The following POLR3G variants were observed in gnomAD, a reference collection of about 807,000 sequenced individuals.
The protein encoded by POLR3G is RNA polymerase III subunit G, also known as DNA-directed RNA polymerase III subunit RPC7.
Under a neutral mutation model 30.1 loss-of-function variants are expected in POLR3G, and 28 were observed. The observed-to-expected ratio is 0.93, with a 90% confidence interval of 0.69 to 1.27. POLR3G has a LOEUF of 1.27. Ranked by LOEUF, POLR3G falls within the 50% of genes most tolerant of loss-of-function variation. The pLI is 0.00. For missense variants in POLR3G, 254 were observed against 264.6 expected, an observed-to-expected ratio of 0.96 and a Z score of 0.28; for synonymous variants, 79 against 82.5, an observed-to-expected ratio of 0.96 and a Z score of 0.23.
chr5:90,501,830 G>A (rs1752257510), intron 5 of POLR3G, 76 bp from the exon 6 acceptor site: 11 of 1,532,912 alleles, frequency 7.2e-6, no homozygotes, highest in Non-Finnish European at 8.9e-6. Flanking sequence ...ATGCTGGACA[G>A]CATACGCAAA....
At position 90,513,605 on chromosome 5, in the gene POLR3G, A is replaced by C. The variant is rs1752832617; in HGVS notation, c.*1466A>C. ...GTATTCATGCAGAAAATTGGAGAAA[A>C]TGTGTATTGTCTTGTGCCATTCTGC... On this transcript the variant is annotated 3_prime_UTR_variant, in exon 8 of 8. Transcript: ENST00000651687. 6.6e-6 allele frequency: 1 copy of C among 152,256 alleles called. No homozygotes were observed. Among genetic ancestry groups the C allele is most frequent in the African/African-American group, 2.4e-5 (1 of 41,442 alleles). 9.4% of individuals were successfully genotyped at this position (152,256 alleles called of 1,614,324 possible).
At chr5:90,483,813 A>G (rs1237866492) in intron 1 of POLR3G, among the ~76,000 whole-genome samples, 1 of 152,216 alleles carries the variant, frequency 6.6e-6, no homozygotes, top group Non-Finnish European at 1.5e-5. Context: ...TGTTACTGCT[A>G]TTCCTTGCAA....
upstream of POLR3G, chr5:90,474,224 G>C: frequency 1.2e-6 from 2 of 1,613,342 alleles, no homozygotes; most frequent in South Asian, 2.2e-5. Context: ...CCGACTCGTA[G>C]AAACGTTCTT....
At chr5:90,490,127 ATAAT>A (rs1179320960) in intron 3 of POLR3G, among the ~76,000 whole-genome samples, 2 of 152,126 alleles carry the variant, frequency 1.3e-5, no homozygotes, top group African/African-American at 4.8e-5. Context: ...AGTATATCAT[ATAAT>A]TAAAGCATTT....
chr5:90,486,103 T>G (rs369982753), intron 2 of POLR3G, among the ~76,000 whole-genome samples: 1 of 152,206 alleles, frequency 6.6e-6, no homozygotes, highest in African/African-American at 2.4e-5. Flanking sequence ...ACCACTTGAC[T>G]TTTTCCCCCA....
intron 1 of POLR3G, among the ~76,000 whole-genome samples, chr5:90,477,662 CTGTT>C: frequency 6.6e-6 from 1 of 152,322 alleles, no homozygotes; most frequent in South Asian, 2.1e-4. Flanking sequence ...CTGCTTCTAT[CTGTT>C]TGTGCATTTA....
intron 7 of POLR3G, among the ~76,000 whole-genome samples, chr5:90,507,950 C>A (rs778474252): frequency 1.2e-4 from 19 of 152,050 alleles, no homozygotes; most frequent in Non-Finnish European, 2.6e-4. Context: ...CGCCCTTCAT[C>A]TTCTTTTTTG....
At chr5:90,496,879 A>G (rs1752021108) in intron 4 of POLR3G, among the ~76,000 whole-genome samples, 1 of 152,178 alleles carries the variant, frequency 6.6e-6, no homozygotes, top group Admixed American at 6.5e-5. Context: ...TCATCTCTCA[A>G]ATGATTCTCT....
At chr5:90,498,296 C>G (rs972876194) in intron 5 of POLR3G, among the ~76,000 whole-genome samples, 1 of 151,446 alleles carries the variant, frequency 6.6e-6, no homozygotes, top group Non-Finnish European at 1.5e-5. Flanking sequence ...AATGTTTTAT[C>G]TTTTTTTAAA....
chr5:90,485,212 T>C (rs1212266246), intron 1 of POLR3G, among the ~76,000 whole-genome samples: 1 of 152,198 alleles, frequency 6.6e-6, no homozygotes, highest in East Asian at 1.9e-4. Flanking sequence ...CCTGGTCTTG[T>C]CTTGTGTCCA....
At chr5:90,508,742 T>G (rs1333966751) in intron 7 of POLR3G, among the ~76,000 whole-genome samples, 2 of 152,160 alleles carry the variant, frequency 1.3e-5, no homozygotes, top group African/African-American at 4.8e-5. Context: ...TTTGCAGCAT[T>G]TAACACTTCT....
intron 3 of POLR3G, among the ~76,000 whole-genome samples, chr5:90,491,864 A>G (rs927569169): frequency 6.6e-6 from 1 of 152,190 alleles, no homozygotes; most frequent in African/African-American, 2.4e-5. Flanking sequence ...GTGCAATTCA[A>G]ATAAATTATC....
At chr5:90,485,010 T>A (rs1751363826) in intron 1 of POLR3G, among the ~76,000 whole-genome samples, 2 of 150,788 alleles carry the variant, frequency 1.3e-5, no homozygotes, top group Admixed American at 1.3e-4. Flanking sequence ...TTTCTCTGAA[T>A]TTTTTTTTTC....
At position 90,512,260 on chromosome 5, in the gene POLR3G, T is replaced by G; in HGVS notation, c.*121T>G. On this transcript the variant is annotated 3_prime_UTR_variant, in exon 8 of 8. Transcript: ENST00000651687. Reference sequence around the variant, plus strand: ...GTTTCTGTTGTTTTGGACAAATAGTTGTTACCAAAATATTCAAAACCACTT... The same window carrying G: ...GTTTCTGTTGTTTTGGACAAATAGTGGTTACCAAAATATTCAAAACCACTT... 1 of 669,320 alleles carries G rather than the reference T, an allele frequency of 1.5e-6. No homozygotes were observed. Among genetic ancestry groups the G allele is most frequent in the East Asian group, 2.8e-5 (1 of 36,332 alleles). The allele number at this position is 669,320 out of a possible 1,614,324, so 41.5% of individuals were successfully genotyped here. A position where few individuals can be genotyped will look rare whatever the true frequency, so the allele number is the denominator to read the frequency against.
chr5:90,482,510 C>T (rs1317260999), intron 1 of POLR3G, among the ~76,000 whole-genome samples: 2 of 152,254 alleles, frequency 1.3e-5, no homozygotes, highest in African/African-American at 4.8e-5. Context: ...AACAAACCTC[C>T]TCCTTGCCTG....
Position 90,506,547 on chromosome 5 carries a change from A to C in POLR3G, c.458A>C (p.Asp153Ala), listed in dbSNP as rs1386807939. 1 of 1,613,206 alleles carries C rather than the reference A, an allele frequency of 6.2e-7. No individual in the cohort carries two copies. Among genetic ancestry groups the C allele is most frequent in the Non-Finnish European group, 8.5e-7 (1 of 1,179,738 alleles). Residue 153 changes from aspartate to alanine, a missense_variant, in exon 7 of 8, where the codon GAT becomes GCT. Transcript: ENST00000651687. ...TACCAGGAATTGGAAAAAAGAGGTG[A>C]TGGTGAAAAATCAGATGAGGAAAAT... ...KKMEELEKRG[D>A]GEKSDEENEE... is the part of the protein sequence containing the mutation.
At position 90,488,221 on chromosome 5, in the gene POLR3G, A is replaced by G. The variant is rs114443824; in HGVS notation, c.247+92A>G. The G allele has an allele frequency of 3.2e-3, 3,479 of 1,103,618 alleles. 82 individuals carry two copies. The African/African-American group carries it at 0.051, about 16-fold the overall frequency. 68.4% of individuals were successfully genotyped at this position (1,103,618 alleles called of 1,614,324 possible). A position where few individuals can be genotyped will look rare whatever the true frequency, so the allele number is the denominator to read the frequency against. ...ATATATAATCATTTAATGTTGATTG[A>G]TTCGATTCAATAAAAAATTATCAAC... On this transcript the variant is annotated intron_variant, in intron 3 of 7. Transcript: ENST00000651687.
intron 5 of POLR3G, among the ~76,000 whole-genome samples, chr5:90,498,950 G>A (rs1461478132): frequency 1.3e-5 from 2 of 152,190 alleles, no homozygotes; most frequent in Non-Finnish European, 2.9e-5. Context: ...TGGAATTGGA[G>A]TTGAGATTGA....
chr5:90,506,768 C>T lies in POLR3G; in HGVS notation c.585+94C>T, dbSNP rs1045851795. The T allele has an allele frequency of 4.3e-5, 60 of 1,388,702 alleles. 1 individual carries two copies. The Middle Eastern group carries it at 5.9e-4, about 14-fold the overall frequency. 86.0% of individuals were successfully genotyped at this position (1,388,702 alleles called of 1,614,324 possible). ...ATGTATTGAAATCAATAAACAGAAA[C>T]CAAGATGATGGGAACCAGAAGTATA... is the stretch of plus-strand genomic sequence containing the variant. On this transcript the variant is annotated intron_variant, in intron 7 of 7. Coordinates refer to ENST00000651687, the MANE Select transcript of POLR3G (RefSeq NM_006467.3).
Sources: gnomAD v4.1 joint callset for allele counts (sites outside exome capture counted in the v4.1 genomes callset) on GRCh38, gnomAD v4.1.1 for gene constraint, MANE v1.5 for transcripts, NCBI Gene and HGNC (gene_info 2026-07-23, HGNC 2026-07-21) for gene names.